AP3D1: variants seen among roughly 807,000 people sequenced by gnomAD.
The protein encoded by AP3D1 is adaptor related protein complex 3 subunit delta 1.
In AP3D1, 51 loss-of-function variants were observed where a neutral mutation model predicts 147.6. The ratio of observed to expected loss-of-function variants is 0.35; its 90% confidence interval spans 0.28 to 0.44. The LOEUF (loss-of-function observed/expected upper bound fraction) is 0.44, where lower values mean the gene tolerates loss of function less well. Among genes scored for constraint, AP3D1 ranks in the 20% least tolerant of loss-of-function variants. AP3D1 has a pLI of 1.00. For missense variants in AP3D1, 1,421 were observed against 1,624.2 expected (o/e 0.87, Z 2.15); for synonymous variants, 760 against 663.0 (o/e 1.15, Z -2.25).
At chr19:2,110,516 G>GGGAC in intron 27 of AP3D1, among the ~76,000 whole-genome samples, 191 bp downstream of exon 27, 1 of 152,120 alleles carries the variant, frequency 6.6e-6, no homozygotes, top group East Asian at 1.9e-4. Flanking sequence ...CTCTAGCCAG[G>GGGAC]TCCATCCGAG....
At chr19:2,114,660 A>T in intron 21 of AP3D1, 88 bp downstream of exon 21, 2 of 790,498 alleles carry the variant, frequency 2.5e-6, no homozygotes, top group Non-Finnish European at 4.1e-6. Flanking sequence ...CACCCTGCAG[A>T]GCCCGGCCCC....
chr19:2,108,471 T>A (rs1344897327), intron 31 of AP3D1, among the ~76,000 whole-genome samples: 1 of 152,042 alleles, frequency 6.6e-6, no homozygotes, highest in Non-Finnish European at 1.5e-5. Context: ...CAGCCTGCGG[T>A]GAGCAGCGCA....
Position 2,117,230 on chromosome 19 carries a change from G to A in AP3D1, c.1851C>T (p.Val617=). Residue 617 remains valine, a synonymous_variant, in exon 16 of 32, where the codon GTC becomes GTT. Coordinates refer to ENST00000643116, the MANE Select transcript of AP3D1 (RefSeq NM_001261826.3). ...CACCCCCGTATCCTTACCCTTCGGG[G>A]ACTGGAACCTTCTTCTGGGCCTTGG... ...VAPKAQKKVP[V]PEGLDLDAWI... is the part of the protein sequence containing the mutation. The A allele has an allele frequency of 6.2e-7, 1 of 1,609,002 alleles. No homozygotes were observed. The highest frequency in any genetic ancestry group is 8.5e-7 in the Non-Finnish European group (1 of 1,177,710).
At chr19:2,129,258 C>T (rs2018865123) in intron 7 of AP3D1, 60 bp downstream of exon 7, 1 of 1,597,154 alleles carries the variant, frequency 6.3e-7, no homozygotes, top group African/African-American at 1.4e-5. Context: ...GAATGCCCCA[C>T]ACAGGGTGAG....
intron 1 of AP3D1, among the ~76,000 whole-genome samples, chr19:2,160,398 G>A (rs1038365968): frequency 7.2e-5 from 11 of 152,066 alleles, no homozygotes; most frequent in African/African-American, 1.7e-4. Context: ...GAGTGGTGGC[G>A]CATGCCTGTA....
At chr19:2,129,702 T>C (rs1369086403) in intron 6 of AP3D1, among the ~76,000 whole-genome samples, 1 of 152,102 alleles carries the variant, frequency 6.6e-6, no homozygotes, top group African/African-American at 2.4e-5. Flanking sequence ...CAGGAACAAG[T>C]GCGCACAAGC....
At chr19:2,136,281 C>T (rs1000144622) in intron 4 of AP3D1, among the ~76,000 whole-genome samples, 18 of 152,372 alleles carry the variant, frequency 1.2e-4, no homozygotes, top group African/African-American at 3.6e-4. Context: ...ACCTGTCCCT[C>T]GGCGTGCTGG....
intron 27 of AP3D1, 88 bp from the exon 28 acceptor site, chr19:2,110,312 C>T: frequency 1.8e-6 from 2 of 1,126,592 alleles, no homozygotes; most frequent in Admixed American, 1.8e-5. Flanking sequence ...GTCCCAAGTC[C>T]TCTGTGGCTG....
Position 2,121,830 on chromosome 19 carries a change from G to A in AP3D1, c.1005C>T (p.Pro335=). 1.2e-6 allele frequency: 2 copies of A among 1,612,512 alleles called. No homozygotes were observed. Among genetic ancestry groups the A allele is most frequent in the Non-Finnish European group, 8.5e-7 (1 of 1,179,464 alleles). ...GGTCCTTGTGGGACTGCACGGACTTGGGGTGGGTCTTCAGGATCTTGGACA... is the reference window on the plus strand; with the variant it reads ...GGTCCTTGTGGGACTGCACGGACTTAGGGTGGGTCTTCAGGATCTTGGACA... ...LAMSKILKTH[P]KSVQSHKDLI... is the part of the protein sequence containing the mutation. Residue 335 remains proline (P), a synonymous_variant, in exon 12 of 32, where the codon CCC becomes CCT. Coordinates refer to ENST00000643116, the MANE Select transcript of AP3D1 (RefSeq NM_001261826.3).
intron 11 of AP3D1, 38 bp downstream of exon 11, chr19:2,123,320 G>A: frequency 6.2e-7 from 1 of 1,605,414 alleles, no homozygotes. Flanking sequence ...CAGAGCTGGG[G>A]ACACGAAAAT....
chr19:2,127,300 AC>A lies in AP3D1; in HGVS notation c.807-100del, dbSNP rs2018784243. On this transcript the variant is annotated intron_variant, in intron 8 of 31. Coordinates refer to ENST00000643116, the MANE Select transcript of AP3D1 (RefSeq NM_001261826.3). ...CTCAGCTGGAGACGGCCTCCGCCCC[AC>A]GGCTCAGGGAGTGTGCCCCAGGAGG... 5.3e-6 allele frequency: 7 copies of A among 1,330,192 alleles called. No homozygotes were observed. In the South Asian group the frequency reaches 6.1e-5, roughly 12 times the overall value. 82.4% of individuals were successfully genotyped at this position (1,330,192 alleles called of 1,614,324 possible). A position where few individuals can be genotyped will look rare whatever the true frequency, so the allele number is the denominator to read the frequency against.
At chr19:2,143,715 C>T (rs1046317399) in intron 1 of AP3D1, among the ~76,000 whole-genome samples, 2 of 151,866 alleles carry the variant, frequency 1.3e-5, no homozygotes, top group African/African-American at 4.8e-5. Flanking sequence ...TGTAGGGGGC[C>T]GCGATCGCAC....
Position 2,130,493 on chromosome 19 carries a change from G to A in AP3D1, c.507C>T (p.Ile169=). The A allele has an allele frequency of 6.2e-7, 1 of 1,614,096 alleles. No individual in the cohort carries two copies. Among genetic ancestry groups the A allele is most frequent in the Non-Finnish European group, 8.5e-7 (1 of 1,180,008 alleles). ...KPYIRKKAVL[I]MYKVFLKYPE... is the part of the protein sequence containing the mutation. Reference sequence around the variant, plus strand: ...GGTACTTCAGGAACACCTTGTACATGATCAGCACAGCCTTCTTCCTGATGT... The same window carrying A: ...GGTACTTCAGGAACACCTTGTACATAATCAGCACAGCCTTCTTCCTGATGT... The change falls in exon 6 of 32, where the codon ATC becomes ATT. Residue 169 remains isoleucine, a synonymous_variant. Transcript: ENST00000643116.
At chr19:2,162,961 A>G (rs1352711928) in intron 1 of AP3D1, among the ~76,000 whole-genome samples, 1 of 152,046 alleles carries the variant, frequency 6.6e-6, no homozygotes, top group African/African-American at 2.4e-5. Flanking sequence ...AAAGAGATCT[A>G]ACTTCACCGA....
intron 23 of AP3D1, 24 bp from the exon 24 acceptor site, chr19:2,112,991 C>A (rs554165719): frequency 6.3e-7 from 1 of 1,584,546 alleles, no homozygotes; most frequent in South Asian, 1.1e-5. Context: ...GGGCTTGGGG[C>A]TCATGCTGGG....
chr19:2,117,508 T>G, intron 15 of AP3D1, 141 bp from the exon 16 acceptor site: 1 of 915,572 alleles, frequency 1.1e-6, no homozygotes, highest in Non-Finnish European at 1.5e-6. Context: ...GAGCCCAGCC[T>G]TCATGCCGTC....
chr19:2,151,135 CAG>C lies in AP3D1; in HGVS notation c.96+102_96+103del, dbSNP rs926464001. 2.6e-6 allele frequency: 3 copies of C among 1,162,428 alleles called. No homozygotes were observed. In the African/African-American group the frequency reaches 4.8e-5, roughly 19 times the overall value. 72.0% of individuals were successfully genotyped at this position (1,162,428 alleles called of 1,614,324 possible). A position where few individuals can be genotyped will look rare whatever the true frequency, so the allele number is the denominator to read the frequency against. On this transcript the variant is annotated intron_variant, in intron 1 of 31. Coordinates refer to ENST00000643116, the MANE Select transcript of AP3D1 (RefSeq NM_001261826.3). Reference sequence around the variant, plus strand: ...CCCTAAGCGGGACCTCCAACTAAGACAGAGCCCGGGCGGGCGGCAGGCCGAGC... The same window carrying C: ...CCCTAAGCGGGACCTCCAACTAAGACAGCCCGGGCGGGCGGCAGGCCGAGC...
At chr19:2,156,988 C>T (rs537361258) in intron 1 of AP3D1, among the ~76,000 whole-genome samples, 1 of 150,402 alleles carries the variant, frequency 6.6e-6, no homozygotes, top group Admixed American at 6.6e-5. Context: ...ACCCATCCAC[C>T]CATCAACAAG....
chr19:2,110,893 A>G lies in AP3D1; in HGVS notation c.2989T>C (p.Cys997Arg). 4 of 1,612,646 alleles carry G rather than the reference A, an allele frequency of 2.5e-6. No homozygotes were observed. Among genetic ancestry groups the G allele is most frequent in the Non-Finnish European group, 3.4e-6 (4 of 1,179,860 alleles). ...TCCTGCAGACTGCCCCGGATGTCAC[A>G]GGTCTGCAGGGCATGGCCAGTGTTA... The part of the protein sequence containing the change: ...LAENSYVKMT[C>R]DIRGSLQEDS... The change falls in exon 27 of 32, where the codon TGT becomes CGT. Residue 997 changes from cysteine (C) to arginine (R), a missense_variant. By Grantham distance (180) the Cys-to-Arg change is radical. Coordinates refer to ENST00000643116, the MANE Select transcript of AP3D1 (RefSeq NM_001261826.3).
Sources: allele counts gnomAD v4.1 joint callset (sites outside exome capture counted in the v4.1 genomes callset), GRCh38; gene constraint gnomAD v4.1.1; transcripts MANE v1.5; gene names NCBI Gene and HGNC (gene_info 2026-07-23, HGNC 2026-07-21).